The following AKAP19 variants were observed in gnomAD, a reference collection of about 807,000 sequenced individuals.
AKAP19 encodes the protein A-kinase anchoring protein 19.
chr2:189,882,369 C>T, the AKAP19 span, among the ~76,000 whole-genome samples: 1 of 152,138 alleles, frequency 6.6e-6, no homozygotes, highest in African/African-American at 2.4e-5. Flanking sequence ...TCAGAAGGTC[C>T]TTACGACGTG....
chr2:190,012,453 T>A, the AKAP19 span, among the ~76,000 whole-genome samples: 1 of 152,240 alleles, frequency 6.6e-6, no homozygotes, highest in Admixed American at 6.5e-5. Flanking sequence ...ATGCTACTGA[T>A]TTTTATGTGT....
the AKAP19 span, among the ~76,000 whole-genome samples, chr2:189,921,679 G>A: frequency 6.6e-6 from 1 of 152,142 alleles, no homozygotes; most frequent in African/African-American, 2.4e-5. Flanking sequence ...AATAGAGAGG[G>A]AGTACTTCAC....
chr2:190,030,587 C>T, the AKAP19 span, among the ~76,000 whole-genome samples: 2 of 152,206 alleles, frequency 1.3e-5, no homozygotes, highest in Non-Finnish European at 2.9e-5. Context: ...CTAAAACCAA[C>T]ACTCACAACA....
At chr2:190,139,988 G>A in the AKAP19 span, among the ~76,000 whole-genome samples, 1 of 152,116 alleles carries the variant, frequency 6.6e-6, no homozygotes, top group Non-Finnish European at 1.5e-5. Flanking sequence ...ATACTATGGG[G>A]GTACAGGCAT....
the AKAP19 span, among the ~76,000 whole-genome samples, chr2:189,940,235 C>A: frequency 1.3e-5 from 2 of 148,628 alleles, no homozygotes; most frequent in Non-Finnish European, 3.0e-5. Context: ...GCCGAGATTG[C>A]GCCACTGCAC....
the AKAP19 span, among the ~76,000 whole-genome samples, chr2:189,962,971 CA>C: frequency 1.3e-5 from 2 of 152,030 alleles, no homozygotes; most frequent in African/African-American, 4.8e-5. Flanking sequence ...AAACTTCTTT[CA>C]AAATTGGAGT....
the AKAP19 span, among the ~76,000 whole-genome samples, chr2:190,005,161 A>G: frequency 6.6e-6 from 1 of 152,164 alleles, no homozygotes; most frequent in South Asian, 2.1e-4. Context: ...AGACCCAAAG[A>G]GTCAGCAGCA....
At chr2:190,199,656 C>CATTCTGT in the AKAP19 span, 1 of 1,301,704 alleles carries the variant, frequency 7.7e-7, no homozygotes, top group South Asian at 1.8e-5. Context: ...CACTATTTTG[C>CATTCTGT]ATTCTGTAAC....
At chr2:190,090,458 G>T in the AKAP19 span, among the ~76,000 whole-genome samples, 2 of 152,136 alleles carry the variant, frequency 1.3e-5, no homozygotes, top group Admixed American at 1.3e-4. Context: ...GCACCAATTC[G>T]CCAGGCACAT....
At chr2:190,090,455 T>C in the AKAP19 span, among the ~76,000 whole-genome samples, 2 of 152,196 alleles carry the variant, frequency 1.3e-5, no homozygotes, top group Admixed American at 6.5e-5. Context: ...CCAGCACCAA[T>C]TCGCCAGGCA....
chr2:190,115,392 T>C, the AKAP19 span, among the ~76,000 whole-genome samples: 9 of 115,678 alleles, frequency 7.8e-5, no homozygotes, highest in African/African-American at 2.0e-4. Context: ...CAATCTCGGC[T>C]CACTGCAAGC....
the AKAP19 span, among the ~76,000 whole-genome samples, chr2:189,888,892 G>A: frequency 6.6e-6 from 1 of 152,152 alleles, no homozygotes; most frequent in African/African-American, 2.4e-5. Flanking sequence ...TGCAAACAGG[G>A]ACAATTTGAC....
chr2:190,108,363 C>A, the AKAP19 span, among the ~76,000 whole-genome samples: 1 of 152,168 alleles, frequency 6.6e-6, no homozygotes, highest in Non-Finnish European at 1.5e-5. Context: ...GCCATGTTGG[C>A]CAGGCTGGTC....
chr2:190,186,077 T>A, the AKAP19 span, among the ~76,000 whole-genome samples: 2 of 152,062 alleles, frequency 1.3e-5, no homozygotes, highest in Admixed American at 6.5e-5. This position sits in a 1 kb window ranked among gnomAD's most constrained non-coding sequence, Gnocchi z 5.5. Flanking sequence ...TCAGCCTCCC[T>A]AGTAGCTGGG....
the AKAP19 span, chr2:190,181,175 G>A: frequency 2.0e-6 from 2 of 984,506 alleles, no homozygotes; most frequent in Non-Finnish European, 2.4e-6. Flanking sequence ...TTGCTTGTCA[G>A]CTGTGCCTTT....
the AKAP19 span, chr2:189,923,193 C>G: frequency 1.4e-6 from 1 of 716,936 alleles, no homozygotes; most frequent in Non-Finnish European, 2.4e-6. Flanking sequence ...GAGACGAAGA[C>G]TGAGCGGTTG....
chr2:189,888,771 T>C, the AKAP19 span, among the ~76,000 whole-genome samples: 3 of 152,230 alleles, frequency 2.0e-5, no homozygotes, highest in Non-Finnish European at 4.4e-5. Context: ...AGAATGCTTG[T>C]GATTTTTGCA....
the AKAP19 span, among the ~76,000 whole-genome samples, chr2:189,887,451 TC>T: frequency 6.6e-6 from 1 of 152,222 alleles, no homozygotes; most frequent in Non-Finnish European, 1.5e-5. Context: ...TGTGCATGTG[TC>T]TTTATAATAG....
At chr2:189,980,958 A>G in the AKAP19 span, among the ~76,000 whole-genome samples, 1 of 152,220 alleles carries the variant, frequency 6.6e-6, no homozygotes, top group South Asian at 2.1e-4. Flanking sequence ...TCAAGTTTAG[A>G]CAATGTTTCA....
Sources: allele counts gnomAD v4.1 joint callset (sites outside exome capture counted in the v4.1 genomes callset), GRCh38; gene constraint gnomAD v4.1.1; non-coding constraint Gnocchi (gnomAD v3.1); transcripts MANE v1.5; gene names NCBI Gene and HGNC (gene_info 2026-07-23, HGNC 2026-07-21).